The following RSPO2 variants were observed in gnomAD, a reference collection of about 807,000 sequenced individuals.
RSPO2 encodes the protein R-spondin-2.
A neutral mutation model predicts 30.9 loss-of-function variants in RSPO2; 14 were observed. That is an observed-to-expected ratio of 0.45 (90% CI 0.30 to 0.71). The LOEUF (loss-of-function observed/expected upper bound fraction) is 0.71, where lower values mean the gene tolerates loss of function less well. Ranked by LOEUF, RSPO2 falls within the 30% of genes least tolerant of loss-of-function variation. The pLI is 0.08. For missense variants in RSPO2, 264 were observed against 301.9 expected (o/e 0.87, Z 0.93); for synonymous variants, 107 against 96.4 (o/e 1.11, Z -0.64).
chr8:107,922,129 G>T (rs1207265663), intron 5 of RSPO2, among the ~76,000 whole-genome samples: 2 of 151,958 alleles, frequency 1.3e-5, no homozygotes, highest in Admixed American at 6.6e-5. Flanking sequence ...AGAAGTACAG[G>T]GCATCCAAAT....
At chr8:108,066,460 T>A (rs76796534) in intron 2 of RSPO2, among the ~76,000 whole-genome samples, 7 of 150,460 alleles carry the variant, frequency 4.7e-5, no homozygotes, top group Non-Finnish European at 7.4e-5. Flanking sequence ...CTTTTTTTTT[T>A]AATGTCATTT....
chr8:107,983,273 C>A, intron 3 of RSPO2: 6 of 1,594,744 alleles, frequency 3.8e-6, no homozygotes, highest in Non-Finnish European at 4.3e-6. Context: ...TCTGAGCAGG[C>A]TCATCTTTCA....
At chr8:107,986,314 C>T (rs1814630370) in intron 3 of RSPO2, among the ~76,000 whole-genome samples, 1 of 152,184 alleles carries the variant, frequency 6.6e-6, no homozygotes, top group Admixed American at 6.5e-5. Context: ...GTTAATAGCA[C>T]TTCCTGCTTG....
intron 3 of RSPO2, chr8:107,983,143 C>T (rs1166328805): frequency 6.7e-7 from 1 of 1,494,682 alleles, no homozygotes; most frequent in Non-Finnish European, 9.1e-7. Flanking sequence ...ACCCCTCAAC[C>T]TGGCTCATCA....
At chr8:107,928,242 C>T (rs1321886401) in intron 5 of RSPO2, among the ~76,000 whole-genome samples, 1 of 152,132 alleles carries the variant, frequency 6.6e-6, no homozygotes, top group Non-Finnish European at 1.5e-5. Flanking sequence ...TCCATATAAT[C>T]TCTACATTCC....
At chr8:107,950,593 C>T (rs1046558998) in intron 5 of RSPO2, among the ~76,000 whole-genome samples, 7 of 151,662 alleles carry the variant, frequency 4.6e-5, no homozygotes, top group South Asian at 2.1e-4. Context: ...AGTTATTAAA[C>T]GTCTCTTGAC....
At chr8:107,909,586 A>AT (rs1311052370) in intron 5 of RSPO2, among the ~76,000 whole-genome samples, 1 of 152,022 alleles carries the variant, frequency 6.6e-6, no homozygotes, top group Non-Finnish European at 1.5e-5. Flanking sequence ...ACGGATAGTC[A>AT]TTTTTCAAGT....
intron 2 of RSPO2, among the ~76,000 whole-genome samples, chr8:108,030,320 G>A (rs1020629691): frequency 2.6e-5 from 4 of 152,086 alleles, no homozygotes; most frequent in Non-Finnish European, 5.9e-5. Flanking sequence ...CAGTGTCTCT[G>A]ACTCTATCTG....
At chr8:108,022,952 C>G (rs1465038368) in intron 2 of RSPO2, among the ~76,000 whole-genome samples, 15 of 148,326 alleles carry the variant, frequency 1.0e-4, no homozygotes, top group Non-Finnish European at 1.9e-4. Context: ...AAACCACACA[C>G]ACACTCACAG....
chr8:107,964,322 G>A (rs1367411522), intron 3 of RSPO2, among the ~76,000 whole-genome samples: 1 of 152,130 alleles, frequency 6.6e-6, no homozygotes, highest in Non-Finnish European at 1.5e-5. Context: ...GGCTCACTGC[G>A]ACCTCTGCCT....
At chr8:107,942,137 A>G (rs1471265501) in intron 5 of RSPO2, among the ~76,000 whole-genome samples, 1 of 152,182 alleles carries the variant, frequency 6.6e-6, no homozygotes, top group African/African-American at 2.4e-5. Context: ...GGTCTCCCCA[A>G]GAACCTCCAA....
At chr8:107,975,594 T>C (rs574543427) in intron 3 of RSPO2, among the ~76,000 whole-genome samples, 2 of 152,324 alleles carry the variant, frequency 1.3e-5, no homozygotes, top group South Asian at 2.1e-4. Context: ...GCAACTAATA[T>C]AGTGAGCCCT....
chr8:107,967,467 A>AT, intron 3 of RSPO2, among the ~76,000 whole-genome samples: 1 of 152,280 alleles, frequency 6.6e-6, no homozygotes, highest in South Asian at 2.1e-4. Context: ...AAAAGCTAAA[A>AT]TTACATTTTT....
chr8:107,954,750 A>G (rs1046333771), intron 5 of RSPO2, among the ~76,000 whole-genome samples: 2 of 152,106 alleles, frequency 1.3e-5, no homozygotes, highest in East Asian at 1.9e-4. Context: ...AGCTGGGACT[A>G]CAGGCACCCA....
At chr8:107,972,403 C>T (rs146168984) in intron 3 of RSPO2, among the ~76,000 whole-genome samples, 1 of 152,098 alleles carries the variant, frequency 6.6e-6, no homozygotes, top group Admixed American at 6.5e-5. Flanking sequence ...TCCTTGGCCT[C>T]CCAAAGTGCT....
intron 2 of RSPO2, among the ~76,000 whole-genome samples, chr8:108,005,640 G>T (rs898272231): frequency 6.6e-6 from 1 of 152,094 alleles, no homozygotes; most frequent in East Asian, 1.9e-4. Context: ...TTCTAGATTT[G>T]TTCAGTAAGA....
chr8:108,040,205 T>C (rs1333743885), intron 2 of RSPO2, among the ~76,000 whole-genome samples: 1 of 152,114 alleles, frequency 6.6e-6, no homozygotes, highest in African/African-American at 2.4e-5. Flanking sequence ...GGAAAATAGA[T>C]AAGGTTGAAG....
At position 107,922,103 on chromosome 8, in the gene RSPO2, C is replaced by T. The variant is rs79739916; in HGVS notation, c.617-20913G>A. Among the ~76,000 whole-genome samples, 1,027 of 152,192 alleles carry T rather than the reference C, an allele frequency of 6.7e-3. 7 individuals carry two copies. Among genetic ancestry groups the T allele is most frequent in the African/African-American group, 0.023 (970 of 41,518 alleles). On this transcript the variant is annotated intron_variant, in intron 5 of 5. Coordinates refer to ENST00000276659, the MANE Select transcript of RSPO2 (RefSeq NM_178565.5). ...ATAGTATTGGAAGTCCTGGCCAGAACAACCAGGCAAACAAAAGAAGTACAG... is the reference window on the plus strand; with the variant it reads ...ATAGTATTGGAAGTCCTGGCCAGAATAACCAGGCAAACAAAAGAAGTACAG...
chr8:108,029,053 T>TA (rs1811323369), intron 2 of RSPO2, among the ~76,000 whole-genome samples: 1 of 97,864 alleles, frequency 1.0e-5, no homozygotes, highest in East Asian at 2.8e-4. Flanking sequence ...TTAACATGAG[T>TA]CTTTTTTTTT....
Sources: gnomAD v4.1 joint callset for allele counts (sites outside exome capture counted in the v4.1 genomes callset) on GRCh38, gnomAD v4.1.1 for gene constraint, MANE v1.5 for transcripts, NCBI Gene and HGNC (gene_info 2026-07-23, HGNC 2026-07-21) for gene names.